Variants in KCNQ1 observed in about 807,000 individuals in gnomAD.
KCNQ1 encodes potassium voltage-gated channel subfamily Q member 1, also known as potassium voltage-gated channel subfamily KQT member 1.
Under a neutral mutation model 72.4 loss-of-function variants are expected in KCNQ1, and 49 were observed. The observed-to-expected ratio is 0.68, with a 90% CI of 0.54 to 0.86. The LOEUF (loss-of-function observed/expected upper bound fraction) is 0.86, where lower values mean the gene tolerates loss of function less well. KCNQ1 is among the 40% of genes least tolerant of loss of function. The probability of loss-of-function intolerance (pLI) is 0.00; values close to 1 mark genes in which losing one functional copy is unlikely to be tolerated. For synonymous variants in KCNQ1, 450 were observed against 412.6 expected (o/e 1.09, Z -1.10); for missense variants, 790 against 945.1 (o/e 0.84, Z 2.15).
At position 2,745,121 on chromosome 11, in the gene KCNQ1, G is replaced by T. The variant is rs1048667205; in HGVS notation, c.1515-23723G>T. 6.6e-6 allele frequency among the ~76,000 whole-genome samples: 1 copy of T among 152,142 alleles called. No homozygotes were observed. Among genetic ancestry groups the T allele is most frequent in the Non-Finnish European group, 1.5e-5 (1 of 68,030 alleles). ...ATCTCTTTTTAAGTTTGACTTATCT[G>T]TTTGGGACCTTTATTCCTCCATGCC... On this transcript the variant is annotated intron_variant, in intron 11 of 15. Transcript: ENST00000155840. The surrounding 1 kb of genome is among the most constrained non-coding windows in gnomAD (Gnocchi z 6.2).
Position 2,687,133 on chromosome 11 carries a change from G to T in KCNQ1, c.1514+25052G>T. 2.5e-6 allele frequency: 1 copy of T among 398,644 alleles called. No individual in the cohort carries two copies. The highest frequency in any genetic ancestry group is 4.4e-6 in the Non-Finnish European group (1 of 226,074). The allele number at this position is 398,644 out of a possible 1,614,324, so 24.7% of individuals were successfully genotyped here. ...TGACACACAAACTGCACAGGGAGGGGAGGAATCTGAGCCAGCTTCCTCCAC... is the reference window on the plus strand; with the variant it reads ...TGACACACAAACTGCACAGGGAGGGTAGGAATCTGAGCCAGCTTCCTCCAC... On this transcript the variant is annotated intron_variant, in intron 11 of 15. Coordinates refer to ENST00000155840, the MANE Select transcript of KCNQ1 (RefSeq NM_000218.3). This position sits in a 1 kb window ranked among gnomAD's most constrained non-coding sequence, Gnocchi z 5.0.
At chr11:2,792,811 C>T (rs1847053996) in intron 15 of KCNQ1, among the ~76,000 whole-genome samples, 1 of 152,206 alleles carries the variant, frequency 6.6e-6, no homozygotes, top group South Asian at 2.1e-4. Context: ...GCTTTGGCAG[C>T]ATTGTTCTTG....
In KCNQ1 at chr11:2,664,397, G is replaced by T. The variant is rs761936320; in HGVS notation, c.1514+2316G>T. 1 of 398,636 alleles carries T rather than the reference G, an allele frequency of 2.5e-6. No individual in the cohort carries two copies. The highest frequency in any genetic ancestry group is 4.4e-6 in the Non-Finnish European group (1 of 226,164). 24.7% of individuals were successfully genotyped at this position (398,636 alleles called of 1,614,324 possible). A position where few individuals can be genotyped will look rare whatever the true frequency, so the allele number is the denominator to read the frequency against. ...TACGGTCCCTCCAGAGAGGCCTGAAGGGGAGAGTGGGCACGTACAGTGTCA... is the reference window on the plus strand; with the variant it reads ...TACGGTCCCTCCAGAGAGGCCTGAATGGGAGAGTGGGCACGTACAGTGTCA... On this transcript the variant is annotated intron_variant, in intron 11 of 15. Coordinates refer to ENST00000155840, the MANE Select transcript of KCNQ1 (RefSeq NM_000218.3). This position sits in a 1 kb window ranked among gnomAD's most constrained non-coding sequence, Gnocchi z 5.1.
chr11:2,706,408 C>T (rs1410146391), intron 11 of KCNQ1, among the ~76,000 whole-genome samples: 1 of 152,204 alleles, frequency 6.6e-6, no homozygotes, highest in Non-Finnish European at 1.5e-5. Flanking sequence ...GATCCTCCAG[C>T]CCCAGTCAAA....
chr11:2,848,921 T>G lies in KCNQ1; in HGVS notation c.*918T>G. On this transcript the variant is annotated 3_prime_UTR_variant, in exon 16 of 16. Coordinates refer to ENST00000155840, the MANE Select transcript of KCNQ1 (RefSeq NM_000218.3). ...ATTTGTGGTGATTTGGATCTGTGTT[T>G]TAATGAGTTTCACAGTGTGATTTTG... 2.2e-6 allele frequency: 1 copy of G among 454,140 alleles called. No homozygotes were observed. 28.1% of individuals were successfully genotyped at this position (454,140 alleles called of 1,614,324 possible).
chr11:2,739,101 T>A (rs1356090432), intron 11 of KCNQ1, among the ~76,000 whole-genome samples: 2 of 152,190 alleles, frequency 1.3e-5, no homozygotes, highest in African/African-American at 4.8e-5. Flanking sequence ...TGACATCCCC[T>A]GTCCTGGGGT....
At position 2,516,445 on chromosome 11, in the gene KCNQ1, G is replaced by T. The variant is rs938931471; in HGVS notation, c.387-11483G>T. Among the ~76,000 whole-genome samples the T allele has an allele frequency of 6.6e-6, 1 of 152,104 alleles. No individual in the cohort carries two copies. Among genetic ancestry groups the T allele is most frequent in the Admixed American group, 6.5e-5 (1 of 15,276 alleles). Reference sequence around the variant, plus strand: ...GTGGCGGCCAGCTCTGGGGGCACACGTTCCTGTTTGAATTCTCAATCTCCG... The same window carrying T: ...GTGGCGGCCAGCTCTGGGGGCACACTTTCCTGTTTGAATTCTCAATCTCCG... On this transcript the variant is annotated intron_variant, in intron 1 of 15. Transcript: ENST00000155840. The surrounding 1 kb of genome is among the most constrained non-coding windows in gnomAD (Gnocchi z 7.0).
chr11:2,522,694 T>G (rs1452618249), intron 1 of KCNQ1, among the ~76,000 whole-genome samples: 1 of 152,384 alleles, frequency 6.6e-6, no homozygotes, highest in East Asian at 1.9e-4. Context: ...ATGGCAAGGC[T>G]GACAGCCAGC....
In KCNQ1 at chr11:2,710,878, A is replaced by C. The variant is rs1174039879; in HGVS notation, c.1514+48797A>C. On this transcript the variant is annotated intron_variant, in intron 11 of 15. Coordinates refer to ENST00000155840, the MANE Select transcript of KCNQ1 (RefSeq NM_000218.3). This position sits in a 1 kb window ranked among gnomAD's most constrained non-coding sequence, Gnocchi z 4.1. Reference sequence around the variant, plus strand: ...AGTACTATATCGTCTTGATTGTTATAGCTTTGTAGTGAGTTTTAAAATTGG... The same window carrying C: ...AGTACTATATCGTCTTGATTGTTATCGCTTTGTAGTGAGTTTTAAAATTGG... 7.2e-5 allele frequency among the ~76,000 whole-genome samples: 11 copies of C among 152,176 alleles called. No individual in the cohort carries two copies. Among genetic ancestry groups the C allele is most frequent in the Non-Finnish European group, 1.3e-4 (9 of 68,034 alleles).
chr11:2,792,272 C>G (rs1015996300), intron 15 of KCNQ1, among the ~76,000 whole-genome samples: 9 of 152,352 alleles, frequency 5.9e-5, no homozygotes, highest in Admixed American at 2.0e-4. Context: ...TTTGAGGGCC[C>G]TTCTCAAACC....
chr11:2,726,485 G>A (rs573272162), intron 11 of KCNQ1, among the ~76,000 whole-genome samples: 12 of 152,204 alleles, frequency 7.9e-5, no homozygotes, highest in South Asian at 2.1e-4. Flanking sequence ...GGCCCCAGGC[G>A]GAGACACCAC....
intron 11 of KCNQ1, chr11:2,685,488 G>A (rs1590031378): frequency 2.5e-6 from 1 of 398,874 alleles, no homozygotes; most frequent in East Asian, 3.6e-5. Context: ...CAGGCCACCA[G>A]CAAGTTGCTC....
At chr11:2,618,901 G>A in intron 10 of KCNQ1, 1 of 398,040 alleles carries the variant, frequency 2.5e-6, no homozygotes, top group Non-Finnish European at 4.4e-6. Context: ...TCATCTTTTT[G>A]GCTAAATTTA....
intron 11 of KCNQ1, chr11:2,689,026 C>G (rs1850544949): frequency 2.5e-6 from 1 of 398,740 alleles, no homozygotes; most frequent in African/African-American, 2.1e-5. Context: ...TCCTGGAGCC[C>G]TGGGCTGCAG....
In KCNQ1 at chr11:2,621,960, G is replaced by C. The variant is rs1849180676; in HGVS notation, c.1393+33106G>C. On this transcript the variant is annotated intron_variant, in intron 10 of 15. Transcript: ENST00000155840. The surrounding 1 kb of genome is among the most constrained non-coding windows in gnomAD (Gnocchi z 5.7). ...TTCTAATTCCTTGAGGTACAATTTT[G>C]GGCTATTTGAAATATCTCTTCTTTT... The C allele has an allele frequency of 2.5e-6, 1 of 397,790 alleles. No individual in the cohort carries two copies. Among genetic ancestry groups the C allele is most frequent in the African/African-American group, 2.1e-5 (1 of 48,482 alleles). 24.6% of individuals were successfully genotyped at this position (397,790 alleles called of 1,614,324 possible).
At chr11:2,731,473 C>T (rs1351503916) in intron 11 of KCNQ1, among the ~76,000 whole-genome samples, 2 of 152,220 alleles carry the variant, frequency 1.3e-5, no homozygotes, top group African/African-American at 2.4e-5. Flanking sequence ...ACTCGGGCAC[C>T]GGACACAGGG....
In KCNQ1 at chr11:2,848,849, A is replaced by C. The variant is rs748954997; in HGVS notation, c.*846A>C. ...GCCGCAGAGAAGTGACGGTTCCTAC[A>C]CAGGACAGGGGTTCCTTCTGGGCAT... On this transcript the variant is annotated 3_prime_UTR_variant, in exon 16 of 16. Coordinates refer to ENST00000155840, the MANE Select transcript of KCNQ1 (RefSeq NM_000218.3). 7.3e-5 allele frequency: 33 copies of C among 454,062 alleles called. No individual in the cohort carries two copies. The highest frequency in any genetic ancestry group is 9.3e-5 in the South Asian group (6 of 64,486). The allele number at this position is 454,062 out of a possible 1,614,324, so 28.1% of individuals were successfully genotyped here. A position where few individuals can be genotyped will look rare whatever the true frequency, so the allele number is the denominator to read the frequency against.
At chr11:2,629,518 G>A (rs1358566730) in intron 10 of KCNQ1, 1 of 398,250 alleles carries the variant, frequency 2.5e-6, no homozygotes, top group East Asian at 3.6e-5. Flanking sequence ...ATGGAGTTAG[G>A]TAAAGGTCTC....
chr11:2,511,196 G>A (rs1299441980), intron 1 of KCNQ1, among the ~76,000 whole-genome samples: 7 of 152,198 alleles, frequency 4.6e-5, no homozygotes, highest in Non-Finnish European at 7.3e-5. Flanking sequence ...GGCTCTTGTG[G>A]GATGCACCTT....
Sources: gnomAD v4.1 joint callset for allele counts (sites outside exome capture counted in the v4.1 genomes callset) on GRCh38, gnomAD v4.1.1 for gene constraint, Gnocchi (gnomAD v3.1) non-coding constraint, MANE v1.5 for transcripts, NCBI Gene and HGNC (gene_info 2026-07-23, HGNC 2026-07-21) for gene names.